TXLNB: variants seen among roughly 807,000 people sequenced by gnomAD.
TXLNB encodes the protein taxilin beta.
A neutral mutation model predicts 57.4 loss-of-function variants in TXLNB; 37 were observed. The ratio of observed to expected loss-of-function variants is 0.64; its 90% CI spans 0.50 to 0.85. The LOEUF is 0.85. TXLNB is among the 40% of genes least tolerant of loss of function. The pLI is 0.00. For synonymous variants in TXLNB, 302 were observed against 309.6 expected, an observed-to-expected ratio of 0.98 and a Z score of 0.26; for missense variants, 848 against 825.6, an observed-to-expected ratio of 1.03 and a Z score of -0.33.
At chr6:139,265,504 A>G (rs946620126) in intron 4 of TXLNB, among the ~76,000 whole-genome samples, 5 of 152,088 alleles carry the variant, frequency 3.3e-5, no homozygotes, top group African/African-American at 9.7e-5. Flanking sequence ...AAGAAAAGTA[A>G]AAGCTAAAAT....
At chr6:139,172,389 G>T in the TXLNB span, among the ~76,000 whole-genome samples, 11 of 152,204 alleles carry the variant, frequency 7.2e-5, no homozygotes, top group Non-Finnish European at 1.6e-4. Context: ...GCCCTTTCTG[G>T]ATTACTACTC....
chr6:139,283,423 A>G (rs546817086), intron 2 of TXLNB, among the ~76,000 whole-genome samples: 1 of 144,832 alleles, frequency 6.9e-6, no homozygotes, highest in Admixed American at 6.8e-5. Flanking sequence ...CTAAAAATAC[A>G]AAATTAGCCG....
chr6:139,317,460 C>A, the TXLNB span, among the ~76,000 whole-genome samples: 3 of 151,312 alleles, frequency 2.0e-5, no homozygotes, highest in Non-Finnish European at 4.4e-5. Flanking sequence ...AGTGCAGTGG[C>A]GCAATCTCGG....
At chr6:139,293,199 C>T (rs1350476557), upstream of TXLNB, among the ~76,000 whole-genome samples, 1 of 152,140 alleles carries the variant, frequency 6.6e-6, no homozygotes, top group Non-Finnish European at 1.5e-5. Context: ...TCAAGCGATT[C>T]TCCTCCCTCA....
the TXLNB span, among the ~76,000 whole-genome samples, chr6:139,216,620 TATA>T: frequency 2.6e-5 from 4 of 151,898 alleles, no homozygotes; most frequent in Admixed American, 1.3e-4. Context: ...AAACTTAAAG[TATA>T]ATAATAATAA....
chr6:139,160,017 G>A, the TXLNB span, among the ~76,000 whole-genome samples: 70 of 152,304 alleles, frequency 4.6e-4, no homozygotes, highest in African/African-American at 1.6e-3. Flanking sequence ...AATAGGTAAG[G>A]AGCACAGAGT....
upstream of TXLNB, among the ~76,000 whole-genome samples, chr6:139,292,672 C>T (rs1285579104): frequency 6.6e-6 from 1 of 152,216 alleles, no homozygotes; most frequent in East Asian, 1.9e-4. This position sits in a 1 kb window ranked among gnomAD's most constrained non-coding sequence, Gnocchi z 4.0. Context: ...CTCTTCCCAT[C>T]TCAAACAAAC....
At chr6:139,270,417 A>T (rs949581961) in intron 4 of TXLNB, 39 bp downstream of exon 4, 1 of 1,581,676 alleles carries the variant, frequency 6.3e-7, no homozygotes, top group Non-Finnish European at 8.6e-7. Context: ...TCTGTGCCCC[A>T]TTCAAGAAAT....
At chr6:139,213,039 C>T in the TXLNB span, among the ~76,000 whole-genome samples, 1 of 152,116 alleles carries the variant, frequency 6.6e-6, no homozygotes. Flanking sequence ...GGGAGACTAA[C>T]ACCCCACTGT....
chr6:139,314,583 C>G, the TXLNB span, among the ~76,000 whole-genome samples: 1 of 152,208 alleles, frequency 6.6e-6, no homozygotes, highest in Non-Finnish European at 1.5e-5. Context: ...CACACGTTCT[C>G]AGGACCTCTT....
upstream of TXLNB, among the ~76,000 whole-genome samples, chr6:139,296,041 C>A (rs547206049): frequency 5.9e-5 from 9 of 152,200 alleles, no homozygotes; most frequent in South Asian, 4.1e-4. Flanking sequence ...TTGACCCCCC[C>A]CTCCTCCAGC....
the TXLNB span, chr6:139,174,435 C>T: frequency 6.2e-7 from 1 of 1,613,880 alleles, no homozygotes; most frequent in Non-Finnish European, 8.5e-7. Context: ...GGAAGGGGTT[C>T]ACAAGATCAT....
the TXLNB span, among the ~76,000 whole-genome samples, chr6:139,208,495 A>G: frequency 1.3e-5 from 2 of 152,188 alleles, no homozygotes; most frequent in African/African-American, 2.4e-5. Flanking sequence ...ACAAAAAAAG[A>G]AAACTACAGA....
At chr6:139,297,430 G>A in the TXLNB span, among the ~76,000 whole-genome samples, 2 of 152,166 alleles carry the variant, frequency 1.3e-5, no homozygotes, top group Non-Finnish European at 2.9e-5. Flanking sequence ...GAAATGTCTG[G>A]AAAGGGGGCA....
At chr6:139,230,889 A>G in the TXLNB span, among the ~76,000 whole-genome samples, 1 of 152,218 alleles carries the variant, frequency 6.6e-6, no homozygotes, top group Non-Finnish European at 1.5e-5. Flanking sequence ...TTACATCTGC[A>G]GTGTTTCAGC....
the TXLNB span, among the ~76,000 whole-genome samples, chr6:139,172,874 A>G: frequency 6.6e-6 from 1 of 152,240 alleles, no homozygotes; most frequent in Non-Finnish European, 1.5e-5. Flanking sequence ...AATGATTCAC[A>G]CGGAGCTGGT....
chr6:139,280,288 G>C (rs959781955), intron 2 of TXLNB, among the ~76,000 whole-genome samples: 29 of 138,470 alleles, frequency 2.1e-4, no homozygotes, highest in African/African-American at 7.3e-4. Flanking sequence ...AAGAAAGAAA[G>C]AAACAAAAAA....
At chr6:139,305,796 T>C in the TXLNB span, among the ~76,000 whole-genome samples, 2 of 152,178 alleles carry the variant, frequency 1.3e-5, no homozygotes, top group African/African-American at 4.8e-5. Flanking sequence ...CATGTATCAT[T>C]AGGTCTTGGG....
intron 6 of TXLNB, 99 bp downstream of exon 6, chr6:139,260,215 GTCTC>G: frequency 7.5e-7 from 1 of 1,335,050 alleles, no homozygotes; most frequent in Non-Finnish European, 1.0e-6. Flanking sequence ...ACGAGACTCT[GTCTC>G]AAATAAATAA....
Sources: allele counts gnomAD v4.1 joint callset (sites outside exome capture counted in the v4.1 genomes callset), GRCh38; gene constraint gnomAD v4.1.1; non-coding constraint Gnocchi (gnomAD v3.1); transcripts MANE v1.5; gene names NCBI Gene and HGNC (gene_info 2026-07-23, HGNC 2026-07-21).